DTNA: variants seen among roughly 807,000 people sequenced by gnomAD.
DTNA encodes the protein dystrophin-related protein 3.
Under a neutral mutation model 100.7 loss-of-function variants are expected in DTNA, and 43 were observed. The ratio of observed to expected loss-of-function variants is 0.43; its 90% CI spans 0.33 to 0.55. The LOEUF (loss-of-function observed/expected upper bound fraction) is 0.55, where lower values mean the gene tolerates loss of function less well. Ranked by LOEUF, DTNA falls within the 20% of genes least tolerant of loss-of-function variation. DTNA has a pLI of 0.04. For missense variants in DTNA, 798 were observed against 953.9 expected (o/e 0.84, Z 2.15); for synonymous variants, 349 against 347.9 (o/e 1.00, Z -0.04).
intron 3 of DTNA, among the ~76,000 whole-genome samples, chr18:34,789,451 G>A (rs1012446179): frequency 1.3e-5 from 2 of 152,168 alleles, no homozygotes; most frequent in African/African-American, 4.8e-5. Context: ...ACCTTATCTT[G>A]TTCTGGCCCA....
At chr18:34,759,689 G>T (rs1420334552) in intron 2 of DTNA, among the ~76,000 whole-genome samples, 1 of 152,118 alleles carries the variant, frequency 6.6e-6, no homozygotes, top group Non-Finnish European at 1.5e-5. Context: ...TTTTGTTTTT[G>T]CTTTTGTTTT....
At chr18:34,842,194 C>G (rs1035241453) in intron 13 of DTNA, among the ~76,000 whole-genome samples, 1 of 152,136 alleles carries the variant, frequency 6.6e-6, no homozygotes, top group Non-Finnish European at 1.5e-5. Flanking sequence ...ACTTCTACCT[C>G]TAACATTGTC....
chr18:34,807,070 G>T (rs772123347), intron 5 of DTNA, among the ~76,000 whole-genome samples: 1 of 152,042 alleles, frequency 6.6e-6, no homozygotes, highest in African/African-American at 2.4e-5. Context: ...TGAGGGCTTC[G>T]GTAAAACATA....
intron 2 of DTNA, among the ~76,000 whole-genome samples, chr18:34,761,551 A>T (rs914808506): frequency 2.6e-5 from 4 of 152,106 alleles, no homozygotes; most frequent in Non-Finnish European, 5.9e-5. Context: ...GAAGAAAGAG[A>T]ATCTTTTCAA....
At position 34,818,251 on chromosome 18, in the gene DTNA, T is replaced by A; in HGVS notation, c.797T>A (p.Leu266His). The change falls in exon 8 of 23, where the codon CTC becomes CAC. Residue 266 changes from leucine (L) to histidine (H), a missense_variant. Leu to His is a moderately conservative substitution (Grantham distance 99). Around this residue, in one of 6 missense-constraint regions of DTNA, gnomAD observed 81 missense variants for 153.5 expected, o/e 0.53. Coordinates refer to ENST00000444659, the MANE Select transcript of DTNA (RefSeq NM_001386795.1). ...YRCQQCHNYQLCQDCFWRGHA... is the reference protein window; with the variant it reads ...YRCQQCHNYQHCQDCFWRGHA... ...TGCCAACAGTGTCACAATTACCAGC[T>A]CTGTCAGGACTGCTTCTGGAGGGGA... 1 of 1,614,048 alleles carries A rather than the reference T, an allele frequency of 6.2e-7. No individual in the cohort carries two copies. Among genetic ancestry groups the A allele is most frequent in the Non-Finnish European group, 8.5e-7 (1 of 1,179,964 alleles).
At chr18:34,816,283 C>T (rs1022631793) in intron 7 of DTNA, among the ~76,000 whole-genome samples, 1 of 152,100 alleles carries the variant, frequency 6.6e-6, no homozygotes, top group Non-Finnish European at 1.5e-5. Context: ...CGATAGAAGG[C>T]GAACTTCAAC....
At chr18:34,708,764 CA>C (rs1489012217), upstream of DTNA, among the ~76,000 whole-genome samples, 5 of 152,174 alleles carry the variant, frequency 3.3e-5, no homozygotes, top group African/African-American at 1.2e-4. Flanking sequence ...CCCTCTTGTT[CA>C]AAAATCACAT....
At chr18:34,637,625 T>A (rs973791320) in intron 1 of DTNA, among the ~76,000 whole-genome samples, 4 of 152,168 alleles carry the variant, frequency 2.6e-5, no homozygotes, top group Non-Finnish European at 5.9e-5. Context: ...CTAGCAGCAT[T>A]TCCTCTGAGC....
intron 1 of DTNA, among the ~76,000 whole-genome samples, chr18:34,647,557 G>C (rs984678485): frequency 2.6e-5 from 4 of 152,176 alleles, no homozygotes; most frequent in Non-Finnish European, 4.4e-5. Context: ...CCAGGAAGAG[G>C]AGAACAGTCA....
At chr18:34,717,230 A>G (rs2084247837) in intron 1 of DTNA, among the ~76,000 whole-genome samples, 1 of 152,358 alleles carries the variant, frequency 6.6e-6, no homozygotes, top group Admixed American at 6.5e-5. Context: ...CTGATGAAAC[A>G]GATTTCAAAT....
intron 1 of DTNA, among the ~76,000 whole-genome samples, chr18:34,692,042 C>T (rs1410933198): frequency 6.6e-6 from 1 of 152,220 alleles, no homozygotes; most frequent in Non-Finnish European, 1.5e-5. Context: ...CTTAGCTTCT[C>T]ATGTTATTTC....
At chr18:34,668,133 T>G (rs2076210760) in intron 1 of DTNA, among the ~76,000 whole-genome samples, 1 of 152,224 alleles carries the variant, frequency 6.6e-6, no homozygotes, top group Admixed American at 6.5e-5. Flanking sequence ...GAGATTCAGC[T>G]TCTTCCTGGT....
intron 1 of DTNA, among the ~76,000 whole-genome samples, chr18:34,607,120 C>T (rs547629905): frequency 6.6e-5 from 10 of 152,226 alleles, no homozygotes; most frequent in African/African-American, 2.4e-4. Flanking sequence ...TTTCATTCAC[C>T]ATAAAAGTAT....
intron 1 of DTNA, among the ~76,000 whole-genome samples, chr18:34,536,219 C>G (rs904690539): frequency 6.6e-6 from 1 of 151,776 alleles, no homozygotes; most frequent in African/African-American, 2.4e-5. Context: ...ATTGGTATGT[C>G]ATTTGATTCT....
chr18:34,661,698 C>T (rs922400823), intron 1 of DTNA, among the ~76,000 whole-genome samples: 2 of 152,108 alleles, frequency 1.3e-5, no homozygotes, highest in Admixed American at 6.6e-5. Context: ...GAGATAAAGG[C>T]GCCTCTCCAT....
At chr18:34,800,028 C>T (rs1270257870) in intron 4 of DTNA, among the ~76,000 whole-genome samples, 1 of 152,188 alleles carries the variant, frequency 6.6e-6, no homozygotes, top group Non-Finnish European at 1.5e-5. Context: ...ACGCCCCAAA[C>T]CAGAGTTAAT....
intron 8 of DTNA, chr18:34,818,548 A>T: frequency 7.0e-7 from 1 of 1,423,352 alleles, no homozygotes; most frequent in Non-Finnish European, 9.2e-7. Flanking sequence ...ATATAGGAAG[A>T]CTCAAAACTA....
At chr18:34,580,428 C>G (rs2048503571) in intron 1 of DTNA, among the ~76,000 whole-genome samples, 1 of 152,016 alleles carries the variant, frequency 6.6e-6, no homozygotes, top group Non-Finnish European at 1.5e-5. Context: ...AATATTTACT[C>G]CCATAAAATG....
chr18:34,843,624 A>G (rs1408284313), intron 13 of DTNA, among the ~76,000 whole-genome samples: 2 of 152,014 alleles, frequency 1.3e-5, no homozygotes, highest in African/African-American at 4.8e-5. Context: ...CAGCAGTCCT[A>G]TGAGATTAGG....
Sources: gnomAD v4.1 joint callset for allele counts (sites outside exome capture counted in the v4.1 genomes callset) on GRCh38, gnomAD v4.1.1 for gene constraint, gnomAD v4.1.1 regional missense constraint, MANE v1.5 for transcripts, NCBI Gene and HGNC (gene_info 2026-07-23, HGNC 2026-07-21) for gene names.